GRM7: variants seen among roughly 807,000 people sequenced by gnomAD.
GRM7 encodes the protein metabotropic glutamate receptor 7.
In GRM7, 35 loss-of-function variants were observed where a neutral mutation model predicts 84.5. That is an observed-to-expected ratio of 0.41 (90% confidence interval 0.32 to 0.55). The LOEUF (loss-of-function observed/expected upper bound fraction) is 0.55, where lower values mean the gene tolerates loss of function less well. Ranked by LOEUF, GRM7 falls within the 20% of genes least tolerant of loss-of-function variation. GRM7 has a pLI of 0.19. For missense variants in GRM7, 1,003 were observed against 1,194.6 expected, an observed-to-expected ratio of 0.84 and a Z score of 2.36; for synonymous variants, 487 against 455.1, an observed-to-expected ratio of 1.07 and a Z score of -0.89.
chr3:7,365,448 T>C (rs183371530), intron 4 of GRM7, among the ~76,000 whole-genome samples: 496 of 151,774 alleles, frequency 3.3e-3, no homozygotes, highest in African/African-American at 0.011. Context: ...TTCTATGAAG[T>C]GTTCTCAAAT....
At chr3:7,688,161 T>G (rs1700659851) in intron 9 of GRM7, among the ~76,000 whole-genome samples, 1 of 152,196 alleles carries the variant, frequency 6.6e-6, no homozygotes, top group Non-Finnish European at 1.5e-5. Context: ...CCTGTCTAAG[T>G]TGACGCCTTT....
At chr3:7,739,889 A>T (rs908040985) in intron 9 of GRM7, among the ~76,000 whole-genome samples, 5 of 152,166 alleles carry the variant, frequency 3.3e-5, no homozygotes, top group African/African-American at 1.2e-4. Flanking sequence ...TAGTCTTTTG[A>T]TTGTGTGAAT....
chr3:7,205,731 G>A (rs1341597258), intron 2 of GRM7, among the ~76,000 whole-genome samples: 1 of 152,196 alleles, frequency 6.6e-6, no homozygotes, highest in Non-Finnish European at 1.5e-5. Context: ...ACCCAGACGT[G>A]AATGCAGAAA....
intron 2 of GRM7, among the ~76,000 whole-genome samples, chr3:7,252,054 CA>C (rs932867973): frequency 6.6e-6 from 1 of 152,018 alleles, no homozygotes; most frequent in Non-Finnish European, 1.5e-5. Flanking sequence ...CCCCACTAAA[CA>C]AAAAATCCTC....
At chr3:7,091,215 A>AC (rs1469634501) in intron 1 of GRM7, among the ~76,000 whole-genome samples, 4 of 151,706 alleles carry the variant, frequency 2.6e-5, no homozygotes, top group African/African-American at 9.7e-5. Flanking sequence ...AAGTACCAAA[A>AC]AAAAAAAAAG....
chr3:6,885,487 A>G (rs540638207), intron 1 of GRM7, among the ~76,000 whole-genome samples: 22,402 of 152,056 alleles, frequency 0.15, 1,819 homozygotes, highest in Non-Finnish European at 0.19. Context: ...CATTGGTGGG[A>G]GTGTCTTATG....
At chr3:7,647,666 T>A (rs62233878) in intron 8 of GRM7, among the ~76,000 whole-genome samples, 5,455 of 152,254 alleles carry the variant, frequency 0.036, 146 homozygotes, top group Non-Finnish European at 0.056. Context: ...AGGAGTCTTC[T>A]AGGTGACTAG....
At position 7,741,154 on chromosome 3, in the gene GRM7, G is replaced by A. The variant is rs999469489; in HGVS notation, c.*748G>A. ...GTCTTGATCTTTGGAATGCATGCCA[G>A]TAATGTATTTTACAGTACATGTTTA... On this transcript the variant is annotated 3_prime_UTR_variant, in exon 10 of 10. Coordinates refer to ENST00000357716, the MANE Select transcript of GRM7 (RefSeq NM_000844.4). The A allele has an allele frequency of 6.6e-6, 1 of 152,476 alleles. No individual in the cohort carries two copies. The highest frequency in any genetic ancestry group is 1.5e-5 in the Non-Finnish European group (1 of 68,034). The allele number at this position is 152,476 out of a possible 1,614,324, so 9.4% of individuals were successfully genotyped here.
At chr3:7,266,526 T>A (rs1440078764) in intron 2 of GRM7, among the ~76,000 whole-genome samples, 1 of 152,144 alleles carries the variant, frequency 6.6e-6, no homozygotes, top group Non-Finnish European at 1.5e-5. Flanking sequence ...AACAAACAAA[T>A]CTCTGTGAAT....
At chr3:7,365,217 C>A (rs1386152388) in intron 4 of GRM7, among the ~76,000 whole-genome samples, 1 of 151,710 alleles carries the variant, frequency 6.6e-6, no homozygotes, top group Non-Finnish European at 1.5e-5. Context: ...CTCCCTCTTC[C>A]CCTTTTGTTC....
intron 5 of GRM7, among the ~76,000 whole-genome samples, chr3:7,422,393 C>A (rs1434729994): frequency 6.6e-6 from 1 of 152,172 alleles, no homozygotes; most frequent in African/African-American, 2.4e-5. Context: ...ATGACTAATG[C>A]AACTAAGGAG....
chr3:7,231,276 C>G (rs1027392806), intron 2 of GRM7, among the ~76,000 whole-genome samples: 1 of 152,150 alleles, frequency 6.6e-6, no homozygotes, highest in African/African-American at 2.4e-5. Context: ...ATGTACCCTA[C>G]AAAGATGATT....
intron 1 of GRM7, among the ~76,000 whole-genome samples, chr3:7,041,217 A>G (rs534944526): frequency 3.3e-5 from 5 of 152,326 alleles, no homozygotes; most frequent in South Asian, 2.1e-4. Flanking sequence ...AGGTGTATAC[A>G]TATCACCACA....
chr3:7,003,580 G>A (rs893091740), intron 1 of GRM7, among the ~76,000 whole-genome samples: 7 of 152,150 alleles, frequency 4.6e-5, no homozygotes, highest in African/African-American at 1.7e-4. Flanking sequence ...AGAGTGATAG[G>A]TGGAAATGAG....
chr3:6,992,222 A>T (rs779616969), intron 1 of GRM7, among the ~76,000 whole-genome samples: 6 of 152,158 alleles, frequency 3.9e-5, no homozygotes, highest in Non-Finnish European at 5.9e-5. Context: ...GACATGATTT[A>T]CTACTATTCA....
chr3:7,392,418 G>C (rs1243919131), intron 4 of GRM7, among the ~76,000 whole-genome samples: 1 of 152,212 alleles, frequency 6.6e-6, no homozygotes. Flanking sequence ...CCACGCTCCA[G>C]AGCAAGCCCT....
chr3:7,313,209 G>T (rs190612459), intron 4 of GRM7, among the ~76,000 whole-genome samples: 1 of 152,038 alleles, frequency 6.6e-6, no homozygotes, highest in African/African-American at 2.4e-5. Flanking sequence ...GATTACAGGC[G>T]TGACCCACTG....
At position 7,289,158 on chromosome 3, in the gene GRM7, C is replaced by G. The variant is rs142463357; in HGVS notation, c.737-9526C>G. Among the ~76,000 whole-genome samples, 208 of 152,218 alleles carry G rather than the reference C, an allele frequency of 1.4e-3. 2 individuals carry two copies. The highest frequency in any genetic ancestry group is 4.5e-3 in the African/African-American group (185 of 41,536). ...GACCAGTGACAATTGATTCTGACTG[C>G]CAAGCCTGTTCAAATCACAGGGAAA... On this transcript the variant is annotated intron_variant, in intron 2 of 9. Transcript: ENST00000357716.
At chr3:7,442,816 A>G (rs922599919) in intron 5 of GRM7, among the ~76,000 whole-genome samples, 4 of 152,176 alleles carry the variant, frequency 2.6e-5, no homozygotes, top group African/African-American at 9.6e-5. Context: ...GGTTTTCAGC[A>G]GAAGTATTTG....
Sources: gnomAD v4.1 joint callset for allele counts (sites outside exome capture counted in the v4.1 genomes callset) on GRCh38, gnomAD v4.1.1 for gene constraint, MANE v1.5 for transcripts, NCBI Gene and HGNC (gene_info 2026-07-23, HGNC 2026-07-21) for gene names.